Variants in GRIP1 observed in about 807,000 individuals in gnomAD.
GRIP1 encodes the protein glutamate receptor-interacting protein 1.
GRIP1 carries 45 observed loss-of-function variants against 129.9 expected under a neutral mutation model. The observed-to-expected ratio is 0.35, with a 90% CI of 0.27 to 0.44. The LOEUF (loss-of-function observed/expected upper bound fraction) is 0.44. Ranked by LOEUF, GRIP1 falls within the 20% of genes least tolerant of loss-of-function variation. The pLI, the probability that GRIP1 is intolerant of heterozygous loss-of-function variation, is 1.00. For missense variants in GRIP1, 1,196 were observed against 1,396.8 expected (o/e 0.86, Z 2.29); for synonymous variants, 530 against 520.8 (o/e 1.02, Z -0.24).
At chr12:66,507,299 A>G (rs1212437963) in intron 7 of GRIP1, among the ~76,000 whole-genome samples, 1 of 152,102 alleles carries the variant, frequency 6.6e-6, no homozygotes, top group Non-Finnish European at 1.5e-5. Flanking sequence ...TTAGCCGGGC[A>G]TGGTAGCAGG....
At chr12:66,531,252 A>AATATATATATAT (rs71069009) in intron 4 of GRIP1, among the ~76,000 whole-genome samples, 3 of 19,466 alleles carry the variant, frequency 1.5e-4, no homozygotes, top group Non-Finnish European at 2.3e-4. Flanking sequence ...AAAAAAAAAA[A>AATATATATATAT]ATATATATAT....
rs572622726 is a variant in GRIP1 at position 66,744,279 on chromosome 12, A to C, written c.-420+59774T>G. Among the ~76,000 whole-genome samples the C allele has an allele frequency of 1.2e-3, 180 of 152,300 alleles. 1 individual carries two copies. Among genetic ancestry groups the C allele is most frequent in the Middle Eastern group, 0.01 (3 of 294 alleles). On this transcript the variant is annotated intron_variant, in intron 1 of 4. Transcript: ENST00000538373. ...ACATTTATCTTCTATTCCTGAAAAA[A>C]AAAGGTTCATTCCTATAAGGATAGG...
At chr12:66,372,278 G>T in intron 22 of GRIP1, 1 of 358,918 alleles carries the variant, frequency 2.8e-6, no homozygotes, top group Non-Finnish European at 5.3e-6. Context: ...CTAACAGATG[G>T]GATTCATGAG....
At chr12:66,607,553 A>C (rs1294678364) in intron 1 of GRIP1, among the ~76,000 whole-genome samples, 1 of 152,200 alleles carries the variant, frequency 6.6e-6, no homozygotes, top group African/African-American at 2.4e-5. Flanking sequence ...AGAGTGGGGA[A>C]TAAATCTTGG....
chr12:66,880,134 G>T (rs1440130147), intron 1 of GRIP1, among the ~76,000 whole-genome samples: 1 of 152,094 alleles, frequency 6.6e-6, no homozygotes, highest in Non-Finnish European at 1.5e-5. Flanking sequence ...GCAGAGGTCA[G>T]CCCATGACAG....
chr12:66,746,058 C>T (rs753650247), intron 1 of GRIP1, among the ~76,000 whole-genome samples: 5 of 152,028 alleles, frequency 3.3e-5, no homozygotes, highest in Non-Finnish European at 7.4e-5. Flanking sequence ...ATAGGAAGGA[C>T]CAGTGCAGGC....
chr12:66,574,509 C>G (rs1227208296), intron 2 of GRIP1, among the ~76,000 whole-genome samples: 10 of 152,250 alleles, frequency 6.6e-5, no homozygotes, highest in African/African-American at 2.4e-4. Flanking sequence ...ACCAATATGT[C>G]TTGGAGATCT....
chr12:66,921,229 G>A (rs886749716), intron 1 of GRIP1, among the ~76,000 whole-genome samples: 2 of 152,120 alleles, frequency 1.3e-5, no homozygotes, highest in African/African-American at 4.8e-5. Flanking sequence ...TGTTGTCCTG[G>A]CAGACACAAA....
At chr12:66,534,848 C>A (rs193157529) in intron 4 of GRIP1, among the ~76,000 whole-genome samples, 1 of 152,262 alleles carries the variant, frequency 6.6e-6, no homozygotes, top group Non-Finnish European at 1.5e-5. Flanking sequence ...CGCCCACCAC[C>A]ATGCCTGGCT....
chr12:66,598,766 C>T (rs892130123), intron 1 of GRIP1, among the ~76,000 whole-genome samples: 1 of 152,150 alleles, frequency 6.6e-6, no homozygotes, highest in African/African-American at 2.4e-5. Flanking sequence ...AGCACTGAGC[C>T]AGAAAATAAT....
chr12:66,934,470 C>T (rs942788926), intron 1 of GRIP1, among the ~76,000 whole-genome samples: 2 of 152,180 alleles, frequency 1.3e-5, no homozygotes, highest in Non-Finnish European at 2.9e-5. Context: ...AATCATTTAG[C>T]TGCAGATCTG....
chr12:66,621,541 T>C (rs1291220499), intron 1 of GRIP1, among the ~76,000 whole-genome samples: 1 of 152,192 alleles, frequency 6.6e-6, no homozygotes, highest in South Asian at 2.1e-4. Context: ...CTATTGTGAA[T>C]AATGCTGCTC....
chr12:66,786,980 G>A (rs1367173091), intron 1 of GRIP1, among the ~76,000 whole-genome samples: 3 of 152,118 alleles, frequency 2.0e-5, no homozygotes, highest in East Asian at 1.9e-4. Flanking sequence ...CAGAGTGGGC[G>A]CTGGAGAGGA....
At chr12:66,986,805 G>A (rs2042319031) in intron 1 of GRIP1, among the ~76,000 whole-genome samples, 1 of 149,238 alleles carries the variant, frequency 6.7e-6, no homozygotes, top group Non-Finnish European at 1.5e-5. Context: ...TTGTGCACAT[G>A]TACCCTAAAA....
At chr12:66,807,489 C>G (rs369858691), upstream of GRIP1, among the ~76,000 whole-genome samples, 1 of 152,012 alleles carries the variant, frequency 6.6e-6, no homozygotes, top group Non-Finnish European at 1.5e-5. Context: ...CTGGCTAACA[C>G]GGTGAAACCC....
chr12:66,678,891 G>C lies in GRIP1; in HGVS notation c.14C>G (p.Ser5Cys). The C allele has an allele frequency of 1.2e-6, 2 of 1,613,496 alleles. No homozygotes were observed. The highest frequency in any genetic ancestry group is 1.7e-6 in the Non-Finnish European group (2 of 1,179,620). ...CAGAATTTGACAACGGCATTTAAAAGAGACAGCTATCATTCTTGCTCACTG... is the reference window on the plus strand; with the variant it reads ...CAGAATTTGACAACGGCATTTAAAACAGACAGCTATCATTCTTGCTCACTG... MIAV[S>C]FKCRCQILRR... The change falls in exon 1 of 25, where the codon TCT becomes TGT. Residue 5 changes from serine to cysteine, a missense_variant. This residue lies in a region of GRIP1 where 217 missense variants were observed against 224.8 expected (regional missense o/e 0.97). Transcript: ENST00000359742.
At chr12:66,657,032 G>T (rs934934031) in intron 1 of GRIP1, among the ~76,000 whole-genome samples, 29 of 151,808 alleles carry the variant, frequency 1.9e-4, no homozygotes, top group Non-Finnish European at 8.8e-5. Context: ...TCCAAAAATT[G>T]AAATCAGTTT....
intron 1 of GRIP1, among the ~76,000 whole-genome samples, chr12:67,028,475 G>A (rs11176542): frequency 0.024 from 3,689 of 152,300 alleles, 144 homozygotes; most frequent in African/African-American, 0.084. Flanking sequence ...ATTCATGTAA[G>A]TAGAAATTGT....
At chr12:66,871,337 G>T (rs1435632080) in intron 1 of GRIP1, among the ~76,000 whole-genome samples, 2 of 152,002 alleles carry the variant, frequency 1.3e-5, no homozygotes, top group South Asian at 4.1e-4. Flanking sequence ...CTCAGACATA[G>T]AACAGCACGA....
Sources: gnomAD v4.1 joint callset for allele counts (sites outside exome capture counted in the v4.1 genomes callset) on GRCh38, gnomAD v4.1.1 for gene constraint, gnomAD v4.1.1 regional missense constraint, MANE v1.5 for transcripts, NCBI Gene and HGNC (gene_info 2026-07-23, HGNC 2026-07-21) for gene names.